NCR1: variants seen among roughly 807,000 people sequenced by gnomAD.
NCR1 encodes NK cell-activating receptor.
NCR1 carries 30 observed loss-of-function variants against 32.5 expected under a neutral mutation model. That is an observed-to-expected ratio of 0.92 (90% CI 0.69 to 1.25). The LOEUF (loss-of-function observed/expected upper bound fraction) is 1.25, where lower values mean the gene tolerates loss of function less well. NCR1 is among the 50% of genes most tolerant of loss of function. NCR1 has a pLI of 0.00. For synonymous variants in NCR1, 169 were observed against 143.4 expected (o/e 1.18, Z -1.28); for missense variants, 369 against 380.7 (o/e 0.97, Z 0.26).
At chr19:54,925,612 C>T in the NCR1 span, among the ~76,000 whole-genome samples, 1 of 152,102 alleles carries the variant, frequency 6.6e-6, no homozygotes, top group East Asian at 1.9e-4. Flanking sequence ...TTGAGAACCT[C>T]GGCAACACGG....
the NCR1 span, among the ~76,000 whole-genome samples, chr19:54,929,371 GA>G: frequency 6.7e-6 from 1 of 149,514 alleles, no homozygotes; most frequent in Admixed American, 6.8e-5. Flanking sequence ...TCTGAAAAAA[GA>G]AAAAAAGTAC....
At chr19:54,898,431 TG>T in the NCR1 span, among the ~76,000 whole-genome samples, 19 of 152,152 alleles carry the variant, frequency 1.2e-4, no homozygotes, top group Admixed American at 1.2e-3. Context: ...GAGATGTGGC[TG>T]GGGTTTGTCT....
the NCR1 span, chr19:54,933,742 G>C: frequency 6.2e-7 from 1 of 1,613,216 alleles, no homozygotes. Flanking sequence ...TTTCCAACCT[G>C]CAAAAATATG....
At chr19:54,934,445 C>A in the NCR1 span, 2 of 1,601,580 alleles carry the variant, frequency 1.2e-6, no homozygotes, top group South Asian at 2.2e-5. The surrounding 1 kb of genome is among the most constrained non-coding windows in gnomAD (Gnocchi z 6.7). Context: ...TCTTCTATAG[C>A]CCCAGAACTA....
At chr19:54,934,083 A>G in the NCR1 span, among the ~76,000 whole-genome samples, 10 of 152,070 alleles carry the variant, frequency 6.6e-5, no homozygotes, top group African/African-American at 2.4e-4. This position sits in a 1 kb window ranked among gnomAD's most constrained non-coding sequence, Gnocchi z 6.7. Flanking sequence ...AGCTGGGACT[A>G]CAGGCGCCCA....
the NCR1 span, among the ~76,000 whole-genome samples, chr19:54,937,679 C>A: frequency 6.6e-5 from 10 of 152,076 alleles, no homozygotes; most frequent in Admixed American, 1.3e-4. Context: ...AGGCAAATCA[C>A]CTGAGGTCAG....
At chr19:54,935,901 C>A in the NCR1 span, among the ~76,000 whole-genome samples, 1 of 150,306 alleles carries the variant, frequency 6.7e-6, no homozygotes, top group South Asian at 2.1e-4. Context: ...AAACTACCCC[C>A]AAACCCGTCT....
the NCR1 span, chr19:54,933,471 G>C: frequency 3.1e-5 from 46 of 1,473,174 alleles, no homozygotes; most frequent in Non-Finnish European, 4.2e-5. Flanking sequence ...TTCTTACCAG[G>C]TTTTTAAAAG....
chr19:54,915,205 G>A (rs116443650), downstream of NCR1, among the ~76,000 whole-genome samples: 618 of 152,088 alleles, frequency 4.1e-3, 6 homozygotes, highest in African/African-American at 0.014. Context: ...CAACTATAAC[G>A]GGGTTCTCGG....
At chr19:54,917,503 G>A (rs1329828975), downstream of NCR1, among the ~76,000 whole-genome samples, 1 of 151,860 alleles carries the variant, frequency 6.6e-6, no homozygotes, top group Non-Finnish European at 1.5e-5. Context: ...TATTTTTAGT[G>A]GAGATGGGGG....
chr19:54,903,414 G>T (rs116278218), upstream of NCR1, among the ~76,000 whole-genome samples: 612 of 122,992 alleles, frequency 5.0e-3, 23 homozygotes, highest in African/African-American at 0.014. Context: ...ATGTATACAC[G>T]CATACATGTA....
chr19:54,898,438 T>G, the NCR1 span, among the ~76,000 whole-genome samples: 16 of 152,280 alleles, frequency 1.1e-4, no homozygotes, highest in South Asian at 8.3e-4. Flanking sequence ...GGCTGGGGTT[T>G]GTCTCATCTG....
chr19:54,906,226 G>C lies in NCR1; in HGVS notation c.34+5G>C. ...TCCCTGCCCTGCTCTGCGTCGGTGA[G>C]TTCTGGCGTGGAAGGGGAATGGGAT... On this transcript the variant is annotated splice_donor_5th_base_variant and intron_variant, in intron 1 of 6. Transcript: ENST00000291890. The C allele has an allele frequency of 6.2e-7, 1 of 1,614,236 alleles. No individual in the cohort carries two copies. Among genetic ancestry groups the C allele is most frequent in the Non-Finnish European group, 8.5e-7 (1 of 1,180,052 alleles).
chr19:54,926,227 T>TGTGTGTGCGC, the NCR1 span, among the ~76,000 whole-genome samples: 24 of 150,842 alleles, frequency 1.6e-4, no homozygotes, highest in East Asian at 1.8e-3. Context: ...TGTGTGTGTG[T>TGTGTGTGCGC]GCTCATGCAC....
At chr19:54,935,105 C>T in the NCR1 span, among the ~76,000 whole-genome samples, 3 of 152,170 alleles carry the variant, frequency 2.0e-5, no homozygotes, top group African/African-American at 4.8e-5. Context: ...CTAATGTTGC[C>T]TCTGCTTCTT....
chr19:54,934,117 T>C, the NCR1 span, among the ~76,000 whole-genome samples: 1 of 152,068 alleles, frequency 6.6e-6, no homozygotes, highest in East Asian at 1.9e-4. This position sits in a 1 kb window ranked among gnomAD's most constrained non-coding sequence, Gnocchi z 6.7. Flanking sequence ...ATTTTTTGTA[T>C]TTTTTAGTAG....
downstream of NCR1, among the ~76,000 whole-genome samples, chr19:54,919,358 A>G (rs1057404379): frequency 2.2e-4 from 33 of 152,288 alleles, no homozygotes; most frequent in East Asian, 6.2e-3. Flanking sequence ...AGTGTGAGTC[A>G]CCTCCAATGA....
At chr19:54,925,586 G>A in the NCR1 span, among the ~76,000 whole-genome samples, 4 of 152,092 alleles carry the variant, frequency 2.6e-5, no homozygotes, top group Admixed American at 2.0e-4. Context: ...CAGGAGGATC[G>A]TTTGAAGCCA....
the NCR1 span, among the ~76,000 whole-genome samples, chr19:54,926,515 C>T: frequency 6.6e-6 from 1 of 152,160 alleles, no homozygotes; most frequent in Non-Finnish European, 1.5e-5. Context: ...CACAGTGGCT[C>T]ACGCCTGTAA....
Sources: allele counts gnomAD v4.1 joint callset (sites outside exome capture counted in the v4.1 genomes callset), GRCh38; gene constraint gnomAD v4.1.1; non-coding constraint Gnocchi (gnomAD v3.1); transcripts MANE v1.5; gene names NCBI Gene and HGNC (gene_info 2026-07-23, HGNC 2026-07-21).